The following WDR17 variants were observed in gnomAD, a reference collection of about 807,000 sequenced individuals.
WDR17 encodes the protein WD repeat domain 17.
Under a neutral mutation model 161.7 loss-of-function variants are expected in WDR17, and 143 were observed. The observed-to-expected ratio is 0.88, with a 90% CI of 0.77 to 1.02. The LOEUF (loss-of-function observed/expected upper bound fraction) is 1.02. WDR17 is among the 50% of genes least tolerant of loss of function. The pLI is 0.00. For synonymous variants in WDR17, 517 were observed against 515.6 expected (o/e 1.00, Z -0.04); for missense variants, 1,469 against 1,520.9 (o/e 0.97, Z 0.57).
At chr4:176,097,740 C>T (rs373598121) in intron 1 of WDR17, among the ~76,000 whole-genome samples, 32 of 105,510 alleles carry the variant, frequency 3.0e-4, no homozygotes, top group Admixed American at 1.4e-3. Context: ...CACACACACA[C>T]ATACACACAC....
Position 176,173,254 on chromosome 4 carries a change from T to C in WDR17, c.3245-13T>C. ...TTATTTAATGAATCTTCCATCTGGT[T>C]TAATTTTTCCAGAATACATCAGTAG... On this transcript the variant is annotated splice_polypyrimidine_tract_variant and intron_variant, in intron 24 of 28. Transcript: ENST00000508596. 1 of 1,561,456 alleles carries C rather than the reference T, an allele frequency of 6.4e-7. No homozygotes were observed. Among genetic ancestry groups the C allele is most frequent in the Non-Finnish European group, 8.7e-7 (1 of 1,146,914 alleles).
intron 18 of WDR17, among the ~76,000 whole-genome samples, chr4:176,157,197 A>T (rs1172346665): frequency 2.0e-5 from 3 of 152,172 alleles, no homozygotes; most frequent in Non-Finnish European, 4.4e-5. Flanking sequence ...AATATTTATT[A>T]ATGCCTACTA....
intron 1 of WDR17, among the ~76,000 whole-genome samples, chr4:176,090,255 T>TAA (rs1561082183): frequency 0.026 from 3,886 of 147,748 alleles, 168 homozygotes; most frequent in African/African-American, 0.094. Context: ...GCTGGTTGTT[T>TAA]TAAAAAAAAA....
intron 1 of WDR17, among the ~76,000 whole-genome samples, chr4:176,107,928 T>C (rs1419800807): frequency 1.4e-5 from 1 of 70,120 alleles, no homozygotes; most frequent in Non-Finnish European, 3.9e-5. Flanking sequence ...TCTTCCTTTT[T>C]TCCTTCCTTC....
At chr4:176,105,166 C>T (rs1418454062) in intron 1 of WDR17, among the ~76,000 whole-genome samples, 1 of 151,770 alleles carries the variant, frequency 6.6e-6, no homozygotes, top group Non-Finnish European at 1.5e-5. Context: ...AATAAAGTTT[C>T]AATGCAGCAA....
chr4:176,178,232 T>C (rs1200725814), intron 28 of WDR17, among the ~76,000 whole-genome samples: 1 of 152,044 alleles, frequency 6.6e-6, no homozygotes, highest in East Asian at 1.9e-4. Context: ...TGCAAGCTAG[T>C]TTAGTCTCAA....
intron 4 of WDR17, among the ~76,000 whole-genome samples, 191 bp downstream of exon 4, chr4:176,120,288 T>TTTTATATATATATA (rs1554023204): frequency 7.3e-6 from 1 of 136,516 alleles, no homozygotes; most frequent in Non-Finnish European, 1.6e-5. Flanking sequence ...ATTTGAAGTT[T>TTTTATATATATATA]TATATATATA....
Position 176,179,578 on chromosome 4 carries a change from G to A in WDR17, c.3851G>A (p.Ter1284=). 1.9e-6 allele frequency: 3 copies of A among 1,543,612 alleles called. No homozygotes were observed. The highest frequency in any genetic ancestry group is 2.6e-6 in the Non-Finnish European group (3 of 1,146,008). ...LGTGIRLNPF[*] ...ACTGGAATACGACTCAATCCATTCT[G>A]ATAGAAGATTTTTGTCCATGCTTGA... The change falls in exon 29 of 29, where the codon TGA becomes TAA. Residue 1284 remains the stop codon, a stop_retained_variant. Transcript: ENST00000508596.
intron 1 of WDR17, among the ~76,000 whole-genome samples, chr4:176,107,992 C>T (rs1277441841): frequency 6.6e-6 from 1 of 150,470 alleles, no homozygotes; most frequent in Admixed American, 6.7e-5. Context: ...TTCTTTCCTT[C>T]CTCCCTTCCA....
rs1752264985 is a variant in WDR17, at chr4:176,182,548, A to C, written c.*2969A>C. On this transcript the variant is annotated 3_prime_UTR_variant, in exon 29 of 29. Coordinates refer to ENST00000508596, the MANE Select transcript of WDR17 (RefSeq NM_181265.4). This position sits in a 1 kb window ranked among gnomAD's most constrained non-coding sequence, Gnocchi z 4.2. The stretch of plus-strand genomic sequence containing the variant: ...TTTTAAGTCAAAAGGTATTCTGAAT[A>C]TAATAAAAGCCTCACAAATTATTTG... 1 of 152,002 alleles carries C rather than the reference A, an allele frequency of 6.6e-6. No individual in the cohort carries two copies. The highest frequency in any genetic ancestry group is 1.5e-5 in the Non-Finnish European group (1 of 67,982). The allele number at this position is 152,002 out of a possible 1,614,324, so 9.4% of individuals were successfully genotyped here.
At chr4:176,118,978 A>T (rs1212030307) in intron 3 of WDR17, among the ~76,000 whole-genome samples, 1 of 151,894 alleles carries the variant, frequency 6.6e-6, no homozygotes, top group Non-Finnish European at 1.5e-5. Flanking sequence ...AATAATTATT[A>T]TAAAATAAAT....
Position 176,139,927 on chromosome 4 carries a change from T to C in WDR17, c.1395T>C (p.Ser465=). The change falls in exon 10 of 29, where the codon AGT becomes AGC. Residue 465 remains serine, a synonymous_variant. Transcript: ENST00000508596. ...GTNGIFCIAW[S]HKDSKRIATC... is the part of the protein sequence containing the mutation. The stretch of plus-strand genomic sequence containing the variant: ...ATGGAATATTCTGCATTGCCTGGAG[T>C]CATAAAGATTCTAAAAGAATAGCAA... 1 of 1,612,006 alleles carries C rather than the reference T, an allele frequency of 6.2e-7. No homozygotes were observed. Among genetic ancestry groups the C allele is most frequent in the Non-Finnish European group, 8.5e-7 (1 of 1,178,768 alleles).
chr4:176,071,251 C>T (rs968787444), intron 1 of WDR17, among the ~76,000 whole-genome samples: 2 of 151,546 alleles, frequency 1.3e-5, no homozygotes, highest in Admixed American at 6.6e-5. Flanking sequence ...ATAGTGTTCT[C>T]GCAATGGAAT....
intron 20 of WDR17, among the ~76,000 whole-genome samples, 173 bp from the exon 21 acceptor site, chr4:176,161,902 T>C (rs1413016767): frequency 6.6e-6 from 1 of 152,192 alleles, no homozygotes; most frequent in East Asian, 1.9e-4. Flanking sequence ...TATCAGACCG[T>C]ATACTTGTAA....
Position 176,171,702 on chromosome 4 carries a change from C to A in WDR17, c.3103-673C>A, listed in dbSNP as rs544581961. ...ATTTGATATAAAAGGTAACTTAATGCTTAATACATTATAAGGAAGCAGACC... is the reference window on the plus strand; with the variant it reads ...ATTTGATATAAAAGGTAACTTAATGATTAATACATTATAAGGAAGCAGACC... On this transcript the variant is annotated intron_variant, in intron 23 of 28. Transcript: ENST00000508596. Among the ~76,000 whole-genome samples the A allele has an allele frequency of 3.3e-5, 5 of 152,088 alleles. No individual in the cohort carries two copies. In the South Asian group the frequency reaches 8.3e-4, roughly 25 times the overall value.
At chr4:176,178,061 T>C (rs150564213) in intron 28 of WDR17, among the ~76,000 whole-genome samples, 1,573 of 143,728 alleles carry the variant, frequency 0.011, 13 homozygotes, top group Middle Eastern at 0.026. Context: ...ATACACAGCT[T>C]ATTGAGCAGA....
chr4:176,152,078 G>C (rs531814522), intron 17 of WDR17, 111 bp downstream of exon 17: 2 of 1,078,496 alleles, frequency 1.9e-6, no homozygotes, highest in Non-Finnish European at 1.3e-6. Context: ...TGGAGGCCAA[G>C]GTGGGTGGAT....
At chr4:176,136,928 C>T (rs1034198674) in intron 8 of WDR17, among the ~76,000 whole-genome samples, 1 of 151,538 alleles carries the variant, frequency 6.6e-6, no homozygotes, top group African/African-American at 2.4e-5. Context: ...CTATCACTGT[C>T]TTACAAAAGG....
At chr4:176,112,544 G>C (rs1739935761) in intron 2 of WDR17, among the ~76,000 whole-genome samples, 1 of 152,098 alleles carries the variant, frequency 6.6e-6, no homozygotes, top group Admixed American at 6.6e-5. Flanking sequence ...ATTTTTCTAA[G>C]ACATCTCAGT....
Sources: gnomAD v4.1 joint callset for allele counts (sites outside exome capture counted in the v4.1 genomes callset) on GRCh38, gnomAD v4.1.1 for gene constraint, Gnocchi (gnomAD v3.1) non-coding constraint, MANE v1.5 for transcripts, NCBI Gene and HGNC (gene_info 2026-07-23, HGNC 2026-07-21) for gene names.